The following TSPAN9 variants were observed in gnomAD, a reference collection of about 807,000 sequenced individuals.
TSPAN9 encodes tetraspanin 9.
TSPAN9 carries 16 observed loss-of-function variants against 31.0 expected under a neutral mutation model. The ratio of observed to expected loss-of-function variants is 0.52; its 90% confidence interval spans 0.35 to 0.78. The LOEUF is 0.78. Ranked by LOEUF, TSPAN9 falls within the 30% of genes least tolerant of loss-of-function variation. TSPAN9 has a pLI of 0.01. For missense variants in TSPAN9, 272 were observed against 312.5 expected, an observed-to-expected ratio of 0.87 and a Z score of 0.98; for synonymous variants, 145 against 121.6, an observed-to-expected ratio of 1.19 and a Z score of -1.27.
At chr12:3,236,509 C>G (rs1047418527) in intron 3 of TSPAN9, among the ~76,000 whole-genome samples, 1 of 152,164 alleles carries the variant, frequency 6.6e-6, no homozygotes, top group Non-Finnish European at 1.5e-5. Context: ...AGGCCCGTGC[C>G]CTTCGCTGCC....
chr12:3,228,391 T>C (rs1478117592), intron 3 of TSPAN9, among the ~76,000 whole-genome samples: 2 of 152,158 alleles, frequency 1.3e-5, no homozygotes, highest in African/African-American at 4.8e-5. Context: ...TAAGCTCTCC[T>C]CACATCCTGC....
intron 2 of TSPAN9, among the ~76,000 whole-genome samples, chr12:3,127,361 T>A (rs983919726): frequency 3.3e-5 from 5 of 150,306 alleles, no homozygotes; most frequent in African/African-American, 9.8e-5. Flanking sequence ...TAAAGAAAAA[T>A]TTTTTTTTTT....
At chr12:3,093,777 C>T (rs2098306279) in intron 2 of TSPAN9, among the ~76,000 whole-genome samples, 1 of 152,182 alleles carries the variant, frequency 6.6e-6, no homozygotes, top group Non-Finnish European at 1.5e-5. Context: ...TGGTGGAACC[C>T]CTGCCGTTAG....
At chr12:3,235,898 G>T (rs911974235) in intron 3 of TSPAN9, among the ~76,000 whole-genome samples, 2 of 152,244 alleles carry the variant, frequency 1.3e-5, no homozygotes, top group African/African-American at 4.8e-5. Flanking sequence ...TTAATTTGGG[G>T]GAGTCCAGCC....
At chr12:3,207,691 AG>A (rs1339185998) in intron 3 of TSPAN9, among the ~76,000 whole-genome samples, 1 of 152,140 alleles carries the variant, frequency 6.6e-6, no homozygotes, top group African/African-American at 2.4e-5. Flanking sequence ...GCCCTTGGGC[AG>A]GGGAGGCTGC....
At chr12:3,204,354 A>G (rs913398114) in intron 3 of TSPAN9, among the ~76,000 whole-genome samples, 1 of 152,194 alleles carries the variant, frequency 6.6e-6, no homozygotes, top group African/African-American at 2.4e-5. Flanking sequence ...AGAGGCGTGC[A>G]TAGGTTCCTC....
intron 3 of TSPAN9, among the ~76,000 whole-genome samples, chr12:3,210,909 C>T (rs1446897462): frequency 6.6e-6 from 1 of 151,962 alleles, no homozygotes; most frequent in African/African-American, 2.4e-5. Flanking sequence ...CCAAGCCTGG[C>T]TAATTTTTGT....
chr12:3,170,216 C>T lies in TSPAN9; in HGVS notation c.-17-30961C>T, dbSNP rs1169993722. Among the ~76,000 whole-genome samples, 1 of 152,136 alleles carries T rather than the reference C, an allele frequency of 6.6e-6. No homozygotes were observed. The highest frequency in any genetic ancestry group is 1.5e-5 in the Non-Finnish European group (1 of 68,026). On this transcript the variant is annotated intron_variant, in intron 2 of 8. Coordinates refer to ENST00000011898, the MANE Select transcript of TSPAN9 (RefSeq NM_006675.5). This position sits in a 1 kb window ranked among gnomAD's most constrained non-coding sequence, Gnocchi z 4.4. ...TGTCACTTACATCTGAATTTCTCTC[C>T]CATCCATCTCGTTTATGGTGTTTAC... is the stretch of plus-strand genomic sequence containing the variant.
chr12:3,240,725 G>C (rs1177148985), intron 3 of TSPAN9, among the ~76,000 whole-genome samples: 3 of 152,142 alleles, frequency 2.0e-5, no homozygotes, highest in Non-Finnish European at 4.4e-5. Context: ...CTGCACTGTG[G>C]TGTTAAATAC....
At chr12:3,273,686 C>T (rs1862727223) in intron 3 of TSPAN9, among the ~76,000 whole-genome samples, 1 of 152,196 alleles carries the variant, frequency 6.6e-6, no homozygotes, top group South Asian at 2.1e-4. Context: ...CCAGAGGCGG[C>T]TCCCCTGCCC....
At chr12:3,264,349 T>G (rs1256624497) in intron 3 of TSPAN9, among the ~76,000 whole-genome samples, 2 of 152,174 alleles carry the variant, frequency 1.3e-5, no homozygotes, top group Non-Finnish European at 1.5e-5. Flanking sequence ...TCAACCCACC[T>G]CCTCTGGAGC....
At chr12:3,234,406 C>T (rs2098392270) in intron 3 of TSPAN9, among the ~76,000 whole-genome samples, 1 of 152,150 alleles carries the variant, frequency 6.6e-6, no homozygotes, top group Admixed American at 6.5e-5. Flanking sequence ...TTGTTTCTTA[C>T]TCTTTCATGA....
At chr12:3,125,815 C>G (rs2098327124) in intron 2 of TSPAN9, among the ~76,000 whole-genome samples, 1 of 152,098 alleles carries the variant, frequency 6.6e-6, no homozygotes, top group Non-Finnish European at 1.5e-5. Flanking sequence ...GAAACTGACC[C>G]TCAAGTGAGC....
At position 3,280,510 on chromosome 12, in the gene TSPAN9, C is replaced by T. The variant is rs1398554942; in HGVS notation, c.432+27C>T. The T allele has an allele frequency of 6.2e-7, 1 of 1,600,792 alleles. No homozygotes were observed. The highest frequency in any genetic ancestry group is 8.5e-7 in the Non-Finnish European group (1 of 1,174,372). On this transcript the variant is annotated intron_variant, in intron 6 of 8. Coordinates refer to ENST00000011898, the MANE Select transcript of TSPAN9 (RefSeq NM_006675.5). The surrounding 1 kb of genome is among the most constrained non-coding windows in gnomAD (Gnocchi z 4.5). ...TGCGGGCTGGGCCGCCCTGGTGGGG[C>T]CAGGCAGGGAGGAGGGGTGGCGGCC...
chr12:3,251,340 T>C (rs1196126617), intron 3 of TSPAN9, among the ~76,000 whole-genome samples: 2 of 150,102 alleles, frequency 1.3e-5, no homozygotes, highest in Non-Finnish European at 2.9e-5. Flanking sequence ...GCATCCTCCC[T>C]GGTGGAAGGG....
At chr12:3,105,265 G>A (rs2098313731) in intron 2 of TSPAN9, among the ~76,000 whole-genome samples, 1 of 152,202 alleles carries the variant, frequency 6.6e-6, no homozygotes, top group African/African-American at 2.4e-5. Context: ...TCCTCTCCCA[G>A]GGGAGGGAAG....
chr12:3,168,939 T>C lies in TSPAN9; in HGVS notation c.-17-32238T>C, dbSNP rs1282174668. On this transcript the variant is annotated intron_variant, in intron 2 of 8. Transcript: ENST00000011898. The surrounding 1 kb of genome is among the most constrained non-coding windows in gnomAD (Gnocchi z 4.0). ...AAGGTAGTGGGGAAATACAAGGTGG[T>C]GATCTCATGTGGCATTAAACGGAGC... 6.6e-6 allele frequency among the ~76,000 whole-genome samples: 1 copy of C among 152,184 alleles called. No homozygotes were observed. Among genetic ancestry groups the C allele is most frequent in the East Asian group, 1.9e-4 (1 of 5,194 alleles).
chr12:3,210,152 A>G (rs1317299705), intron 3 of TSPAN9, among the ~76,000 whole-genome samples: 4 of 151,888 alleles, frequency 2.6e-5, no homozygotes, highest in Non-Finnish European at 4.4e-5. Flanking sequence ...AAAAAAGAAA[A>G]AAAAGTTTCT....
chr12:3,264,686 C>G (rs1246253664), intron 3 of TSPAN9, among the ~76,000 whole-genome samples: 2 of 152,224 alleles, frequency 1.3e-5, no homozygotes, highest in East Asian at 1.9e-4. Flanking sequence ...CCTCCGTAAC[C>G]TAGGGAAGGA....
Sources: allele counts gnomAD v4.1 joint callset (sites outside exome capture counted in the v4.1 genomes callset), GRCh38; gene constraint gnomAD v4.1.1; non-coding constraint Gnocchi (gnomAD v3.1); transcripts MANE v1.5; gene names NCBI Gene and HGNC (gene_info 2026-07-23, HGNC 2026-07-21).